Variants in PEX10 observed in about 807,000 individuals in gnomAD.
PEX10 encodes peroxisomal biogenesis factor 10, also known as peroxisome biogenesis factor 10.
A neutral mutation model predicts 38.0 loss-of-function variants in PEX10; 32 were observed. That is an observed-to-expected ratio of 0.84 (90% confidence interval 0.63 to 1.13). The LOEUF is 1.13. Among genes scored for constraint, PEX10 ranks in the 50% most tolerant of loss-of-function variants. PEX10 has a pLI of 0.00. For synonymous variants in PEX10, 206 were observed against 207.3 expected, an observed-to-expected ratio of 0.99 and a Z score of 0.05; for missense variants, 483 against 457.7, an observed-to-expected ratio of 1.06 and a Z score of -0.51.
At chr1:2,407,700 G>A (rs6671730) in intron 3 of PEX10, among the ~76,000 whole-genome samples, 59,121 of 152,044 alleles carry the variant, frequency 0.39, 11,949 homozygotes, top group Non-Finnish European at 0.43. Context: ...AGGTCACGGT[G>A]GCCTCCTGTT....
chr1:2,406,643 C>G, intron 4 of PEX10, 24 bp from the exon 5 acceptor site: 4 of 1,612,860 alleles, frequency 2.5e-6, no homozygotes, highest in Non-Finnish European at 3.4e-6. Flanking sequence ...GGCAGAGCGT[C>G]AAGGTGGGTG....
At chr1:2,407,273 G>C (rs1570101897) in intron 3 of PEX10, among the ~76,000 whole-genome samples, 1 of 152,226 alleles carries the variant, frequency 6.6e-6, no homozygotes, top group South Asian at 2.1e-4. Flanking sequence ...CTGCTACAGG[G>C]ACCGAAGCCC....
intron 1 of PEX10, among the ~76,000 whole-genome samples, chr1:2,412,090 G>C (rs1643251479): frequency 6.6e-6 from 1 of 152,226 alleles, no homozygotes; most frequent in Non-Finnish European, 1.5e-5. Flanking sequence ...TTCCCCAGCC[G>C]CTGGCGTCAG....
Position 2,412,426 on chromosome 1 carries a change from C to T in PEX10, c.77G>A (p.Arg26Gln). Residue 26 changes from arginine to glutamine, a missense_variant, in exon 1 of 6, where the codon CGG (arginine) becomes CAG (glutamine). Transcript: ENST00000447513. ...QKDEYYRGGLRSAAGGALHSL... is the reference protein window; with the variant it reads ...QKDEYYRGGLQSAAGGALHSL... ...GTGCAGGGCGCCGCCCGCCGCGCTC[C>T]GCAGCCCACCGCGGTAGTACTCGTC... 1 of 1,420,316 alleles carries T rather than the reference C, an allele frequency of 7.0e-7. No individual in the cohort carries two copies. The highest frequency in any genetic ancestry group is 9.2e-7 in the Non-Finnish European group (1 of 1,091,514). 88.0% of individuals were successfully genotyped at this position (1,420,316 alleles called of 1,614,324 possible).
chr1:2,404,660 A>T lies in PEX10; in HGVS notation c.*1106T>A, dbSNP rs1388057655. ...GGTCATCCTCATTCCTAAGTAAGTC[A>T]AACAGCAAGACATGGTTTGCGCGGG... On this transcript the variant is annotated 3_prime_UTR_variant, in exon 6 of 6. Transcript: ENST00000447513. 1 of 152,244 alleles carries T rather than the reference A, an allele frequency of 6.6e-6. No individual in the cohort carries two copies. The highest frequency in any genetic ancestry group is 1.5e-5 in the Non-Finnish European group (1 of 68,042). 9.4% of individuals were successfully genotyped at this position (152,244 alleles called of 1,614,324 possible). A position where few individuals can be genotyped will look rare whatever the true frequency, so the allele number is the denominator to read the frequency against.
chr1:2,405,664 A>T lies in PEX10; in HGVS notation c.*102T>A, dbSNP rs1642973493. The T allele has an allele frequency of 1.9e-6, 2 of 1,037,864 alleles. No individual in the cohort carries two copies. The highest frequency in any genetic ancestry group is 2.9e-6 in the Non-Finnish European group (2 of 684,082). 64.3% of individuals were successfully genotyped at this position (1,037,864 alleles called of 1,614,324 possible). A position where few individuals can be genotyped will look rare whatever the true frequency, so the allele number is the denominator to read the frequency against. The stretch of plus-strand genomic sequence containing the variant: ...GTATCTTACATGACAAAAAACTGAG[A>T]GTGTTCTAACTTCTGTGCAAGCAAG... On this transcript the variant is annotated 3_prime_UTR_variant, in exon 6 of 6. Transcript: ENST00000447513.
At chr1:2,413,327 C>G (rs776985569), upstream of PEX10, among the ~76,000 whole-genome samples, 1 of 152,244 alleles carries the variant, frequency 6.6e-6, no homozygotes, top group African/African-American at 2.4e-5. Flanking sequence ...GCCTGAGCCC[C>G]GCAGGTGCTC....
chr1:2,408,778 G>T lies in PEX10; in HGVS notation c.274C>A (p.Arg92Ser). 1 of 1,613,972 alleles carries T rather than the reference G, an allele frequency of 6.2e-7. No individual in the cohort carries two copies. The highest frequency in any genetic ancestry group is 1.1e-5 in the South Asian group (1 of 91,086). ...SRIHVPSSLRRGVLVTLHAVL... is the reference protein window; with the variant it reads ...SRIHVPSSLRSGVLVTLHAVL... ...GCATGCAGTGTCACCAGCACGCCAC[G>T]GCGCAGCGAGGAGGGCACATGTATC... Residue 92 changes from arginine to serine, a missense_variant, in exon 3 of 6, where the codon CGT becomes AGT. Physicochemically the swap from Arg to Ser is moderately radical, Grantham distance 110. Coordinates refer to ENST00000447513, the MANE Select transcript of PEX10 (RefSeq NM_002617.4).
rs1364907076 is a variant in PEX10, at chr1:2,410,128, G to A, written c.193+243C>T. The A allele has an allele frequency of 3.9e-6, 2 of 509,306 alleles. No individual in the cohort carries two copies. The highest frequency in any genetic ancestry group is 7.2e-6 in the Non-Finnish European group (2 of 277,944). The allele number at this position is 509,306 out of a possible 1,614,324, so 31.5% of individuals were successfully genotyped here. A position where few individuals can be genotyped will look rare whatever the true frequency, so the allele number is the denominator to read the frequency against. On this transcript the variant is annotated intron_variant, in intron 2 of 5. Transcript: ENST00000447513. This position sits in a 1 kb window ranked among gnomAD's most constrained non-coding sequence, Gnocchi z 5.1. Reference sequence around the variant, plus strand: ...TGGCCACTGAGAAATGGGTCTCAGTGGCACCCGGGGTAAAGTCTTAAACAA... The same window carrying A: ...TGGCCACTGAGAAATGGGTCTCAGTAGCACCCGGGGTAAAGTCTTAAACAA...
chr1:2,406,568 G>C lies in PEX10; in HGVS notation c.828C>G (p.Cys276Trp), dbSNP rs1570098863. Residue 276 changes from cysteine to tryptophan, a missense_variant, in exon 5 of 6, where the codon TGC (cysteine) becomes TGG (tryptophan). Transcript: ENST00000447513. ...AVSRNPLCTLCLEERRHPTAT... is the reference protein window; with the variant it reads ...AVSRNPLCTLWLEERRHPTAT... ...CTGTTGGGTGCCTGCGCTCCTCCAG[G>C]CACAGGGTGCACAGGGGGTTTCTGG... 5 of 1,613,258 alleles carry C rather than the reference G, an allele frequency of 3.1e-6. No homozygotes were observed. Among genetic ancestry groups the C allele is most frequent in the Non-Finnish European group, 4.2e-6 (5 of 1,179,998 alleles).
intron 3 of PEX10, among the ~76,000 whole-genome samples, chr1:2,407,699 T>C (rs1643055827): frequency 6.6e-6 from 1 of 152,160 alleles, no homozygotes; most frequent in South Asian, 2.1e-4. Flanking sequence ...GAGGTCACGG[T>C]GGCCTCCTGT....
chr1:2,410,006 G>C lies in PEX10; in HGVS notation c.193+365C>G, dbSNP rs925312628. Reference sequence around the variant, plus strand: ...CCTCTAAAGGGTGGTGACCAGCCTGGGCCACAGACCCACCACTGCTCCACC... The same window carrying C: ...CCTCTAAAGGGTGGTGACCAGCCTGCGCCACAGACCCACCACTGCTCCACC... On this transcript the variant is annotated intron_variant, in intron 2 of 5. Coordinates refer to ENST00000447513, the MANE Select transcript of PEX10 (RefSeq NM_002617.4). This position sits in a 1 kb window ranked among gnomAD's most constrained non-coding sequence, Gnocchi z 5.1. The C allele has an allele frequency of 9.2e-6, 3 of 326,974 alleles. No homozygotes were observed. Among genetic ancestry groups the C allele is most frequent in the Non-Finnish European group, 1.8e-5 (3 of 166,578 alleles). 20.3% of individuals were successfully genotyped at this position (326,974 alleles called of 1,614,324 possible).
At position 2,410,655 on chromosome 1, in the gene PEX10, C is replaced by T. The variant is rs765345003; in HGVS notation, c.113-204G>A. ...CTTAGCGTGAGCTGCAGACAGTCTGCGAAGAATCTCCCACCTGTGCTCATC... is the reference window on the plus strand; with the variant it reads ...CTTAGCGTGAGCTGCAGACAGTCTGTGAAGAATCTCCCACCTGTGCTCATC... On this transcript the variant is annotated intron_variant, in intron 1 of 5. Coordinates refer to ENST00000447513, the MANE Select transcript of PEX10 (RefSeq NM_002617.4). This position sits in a 1 kb window ranked among gnomAD's most constrained non-coding sequence, Gnocchi z 5.1. 13 of 627,082 alleles carry T rather than the reference C, an allele frequency of 2.1e-5. No individual in the cohort carries two copies. Among genetic ancestry groups the T allele is most frequent in the East Asian group, 1.6e-4 (5 of 31,472 alleles). 38.8% of individuals were successfully genotyped at this position (627,082 alleles called of 1,614,324 possible). A position where few individuals can be genotyped will look rare whatever the true frequency, so the allele number is the denominator to read the frequency against.
At chr1:2,412,278 G>A in intron 1 of PEX10, 113 bp downstream of exon 1, 1 of 1,245,580 alleles carries the variant, frequency 8.0e-7, no homozygotes, top group Non-Finnish European at 1.0e-6. Context: ...CGGGTCCCAG[G>A]TTGTGGGACG....
Position 2,405,928 on chromosome 1 carries a change from A to G in PEX10, c.913-94T>C, listed in dbSNP as rs190254261. On this transcript the variant is annotated intron_variant, in intron 5 of 5. Transcript: ENST00000447513. Reference sequence around the variant, plus strand: ...CTTTTCCTGTCCACATTCTCTGCACATGACACACAACATAAATGTTGTATT... The same window carrying G: ...CTTTTCCTGTCCACATTCTCTGCACGTGACACACAACATAAATGTTGTATT... The G allele has an allele frequency of 2.3e-3, 2,138 of 944,774 alleles. 9 individuals are homozygous for G. The highest frequency in any genetic ancestry group is 2.8e-3 in the Non-Finnish European group (1,706 of 607,466). 58.5% of individuals were successfully genotyped at this position (944,774 alleles called of 1,614,324 possible).
intron 5 of PEX10, among the ~76,000 whole-genome samples, chr1:2,406,107 G>A (rs1244986127): frequency 6.6e-6 from 1 of 152,164 alleles, no homozygotes; most frequent in African/African-American, 2.4e-5. Context: ...ACGAAGCCCA[G>A]CTCCTGGGAA....
At chr1:2,412,694 C>CA (rs552608686), upstream of PEX10, 284 of 375,588 alleles carry the variant, frequency 7.6e-4, 1 homozygote, top group Middle Eastern at 6.4e-3. Flanking sequence ...TCCGAACCAG[C>CA]GCAGCGCGGG....
In PEX10 at chr1:2,410,539, C is replaced by T. The variant is rs1264032366; in HGVS notation, c.113-88G>A. ...ACAGTCCTCCCCCAGTTGTCTAGGC[C>T]CAGATCCAGTCCCACCCCTTCCATG... On this transcript the variant is annotated intron_variant, in intron 1 of 5. Coordinates refer to ENST00000447513, the MANE Select transcript of PEX10 (RefSeq NM_002617.4). This position sits in a 1 kb window ranked among gnomAD's most constrained non-coding sequence, Gnocchi z 5.1. The T allele has an allele frequency of 8.7e-7, 1 of 1,151,072 alleles. No individual in the cohort carries two copies. Among genetic ancestry groups the T allele is most frequent in the Non-Finnish European group, 1.3e-6 (1 of 782,408 alleles). The allele number at this position is 1,151,072 out of a possible 1,614,324, so 71.3% of individuals were successfully genotyped here.
rs1643103967 is a variant in PEX10, at chr1:2,409,048, G to A, written c.194-190C>T. ...GTCGCTAAGCCCACTGTGAGCTCAG[G>A]CAGCACATGACAGGCCCGGCCAATG... On this transcript the variant is annotated intron_variant, in intron 2 of 5. Coordinates refer to ENST00000447513, the MANE Select transcript of PEX10 (RefSeq NM_002617.4). This position sits in a 1 kb window ranked among gnomAD's most constrained non-coding sequence, Gnocchi z 6.2. Among the ~76,000 whole-genome samples the A allele has an allele frequency of 6.6e-6, 1 of 152,194 alleles. No homozygotes were observed. Among genetic ancestry groups the A allele is most frequent in the Non-Finnish European group, 1.5e-5 (1 of 68,030 alleles).
Sources: allele counts gnomAD v4.1 joint callset (sites outside exome capture counted in the v4.1 genomes callset), GRCh38; gene constraint gnomAD v4.1.1; non-coding constraint Gnocchi (gnomAD v3.1); transcripts MANE v1.5; gene names NCBI Gene and HGNC (gene_info 2026-07-23, HGNC 2026-07-21).